The following GALNT13 variants were observed in gnomAD, a reference collection of about 807,000 sequenced individuals.
The protein encoded by GALNT13 is UDP-GalNAc:polypeptide N-acetylgalactosaminyltransferase 13.
In GALNT13, 28 loss-of-function variants were observed where a neutral mutation model predicts 64.2. That is an observed-to-expected ratio of 0.44 (90% CI 0.32 to 0.60). The LOEUF is 0.60. GALNT13 is among the 20% of genes least tolerant of loss of function. The pLI, the probability that GALNT13 is intolerant of heterozygous loss-of-function variation, is 0.05. For synonymous variants in GALNT13, 214 were observed against 224.6 expected (o/e 0.95, Z 0.42); for missense variants, 577 against 669.8 (o/e 0.86, Z 1.53).
At chr2:153,838,141 C>T in the GALNT13 span, among the ~76,000 whole-genome samples, 38 of 151,846 alleles carry the variant, frequency 2.5e-4, no homozygotes, top group East Asian at 4.1e-3. Context: ...TTATATATTT[C>T]GAATGTTAAA....
chr2:153,726,269 T>C, the GALNT13 span, among the ~76,000 whole-genome samples: 1 of 152,182 alleles, frequency 6.6e-6, no homozygotes, highest in Non-Finnish European at 1.5e-5. Context: ...TTAATTTGAA[T>C]GATTGACTGA....
At chr2:153,518,155 G>C in the GALNT13 span, among the ~76,000 whole-genome samples, 6 of 152,068 alleles carry the variant, frequency 3.9e-5, no homozygotes, top group African/African-American at 1.4e-4. Flanking sequence ...TCCTTTGGTA[G>C]GTTCTTATTT....
chr2:153,647,385 A>G, the GALNT13 span, among the ~76,000 whole-genome samples: 4 of 152,144 alleles, frequency 2.6e-5, no homozygotes, highest in African/African-American at 9.6e-5. Context: ...AGATGAGTAG[A>G]TTGCAAAAAT....
chr2:153,364,925 T>A, the GALNT13 span, among the ~76,000 whole-genome samples: 1 of 151,976 alleles, frequency 6.6e-6, no homozygotes, highest in Non-Finnish European at 1.5e-5. Context: ...AAAGAGCCCA[T>A]GGAGCCAAGA....
the GALNT13 span, among the ~76,000 whole-genome samples, chr2:153,278,895 T>G: frequency 6.6e-6 from 1 of 152,132 alleles, no homozygotes; most frequent in Non-Finnish European, 1.5e-5. Context: ...CTGTGAAAAA[T>G]GACATTTGTA....
At chr2:153,892,297 A>G (rs1687604584) in intron 1 of GALNT13, among the ~76,000 whole-genome samples, 1 of 152,066 alleles carries the variant, frequency 6.6e-6, no homozygotes, top group Non-Finnish European at 1.5e-5. Flanking sequence ...GAATTTAATG[A>G]TGCTCTATTG....
At chr2:153,736,011 C>T in the GALNT13 span, among the ~76,000 whole-genome samples, 658 of 152,268 alleles carry the variant, frequency 4.3e-3, 4 homozygotes, top group African/African-American at 0.015. Context: ...ACTATGTAAA[C>T]ATTCCATGCC....
chr2:153,808,050 A>T, the GALNT13 span, among the ~76,000 whole-genome samples: 1 of 152,188 alleles, frequency 6.6e-6, no homozygotes, highest in Non-Finnish European at 1.5e-5. Context: ...ACTTAGGAGC[A>T]CATGGAACAA....
the GALNT13 span, among the ~76,000 whole-genome samples, chr2:153,416,680 T>A: frequency 1.3e-5 from 2 of 152,230 alleles, no homozygotes; most frequent in Non-Finnish European, 2.9e-5. Context: ...TGTTTTTCTT[T>A]GTGAATTCTG....
chr2:153,877,654 A>C (rs1365912956), intron 1 of GALNT13, among the ~76,000 whole-genome samples: 1 of 152,164 alleles, frequency 6.6e-6, no homozygotes, highest in Admixed American at 6.5e-5. Flanking sequence ...TTATTATATA[A>C]TTAGTTTCAG....
intron 3 of GALNT13, among the ~76,000 whole-genome samples, chr2:153,975,919 C>T (rs1202123719): frequency 2.0e-5 from 3 of 152,090 alleles, no homozygotes; most frequent in Non-Finnish European, 4.4e-5. Context: ...CCTATAAAAA[C>T]ATCACATTGC....
chr2:153,216,154 AT>A, the GALNT13 span, among the ~76,000 whole-genome samples: 5 of 152,160 alleles, frequency 3.3e-5, no homozygotes, highest in African/African-American at 1.2e-4. Context: ...GTGAATCAAT[AT>A]TTCATTACTT....
intron 8 of GALNT13, among the ~76,000 whole-genome samples, chr2:154,290,444 A>C (rs1442643588): frequency 6.6e-6 from 1 of 152,216 alleles, no homozygotes; most frequent in Non-Finnish European, 1.5e-5. Flanking sequence ...GATTACAGGA[A>C]TTTATCTTAG....
At chr2:153,760,948 C>T in the GALNT13 span, among the ~76,000 whole-genome samples, 2 of 152,090 alleles carry the variant, frequency 1.3e-5, no homozygotes, top group South Asian at 2.1e-4. Flanking sequence ...GTTATATCTT[C>T]CTGATAGATT....
chr2:153,655,812 C>T, the GALNT13 span, among the ~76,000 whole-genome samples: 1 of 151,898 alleles, frequency 6.6e-6, no homozygotes, highest in Admixed American at 6.6e-5. Flanking sequence ...TGTTTATTTC[C>T]TTGTTTGCTA....
chr2:154,020,547 G>GT (rs1446644705), intron 3 of GALNT13, among the ~76,000 whole-genome samples: 2 of 152,044 alleles, frequency 1.3e-5, no homozygotes, highest in Non-Finnish European at 1.5e-5. Context: ...TGATGGGGTT[G>GT]TTTGTTTTTT....
the GALNT13 span, among the ~76,000 whole-genome samples, chr2:153,448,131 A>G: frequency 6.6e-6 from 1 of 152,192 alleles, no homozygotes; most frequent in Non-Finnish European, 1.5e-5. Context: ...TGGATTGCAT[A>G]TGATGTCTCA....
chr2:153,997,178 T>G (rs1695577473), intron 3 of GALNT13, among the ~76,000 whole-genome samples: 1 of 152,262 alleles, frequency 6.6e-6, no homozygotes, highest in Non-Finnish European at 1.5e-5. Flanking sequence ...CCATACAACT[T>G]TAGGATTGCT....
chr2:153,562,626 GC>G, the GALNT13 span, among the ~76,000 whole-genome samples: 1 of 151,774 alleles, frequency 6.6e-6, no homozygotes, highest in African/African-American at 2.4e-5. Flanking sequence ...TTCTTGGTGG[GC>G]TTCCTCTCTA....
Sources: gnomAD v4.1 joint callset for allele counts (sites outside exome capture counted in the v4.1 genomes callset) on GRCh38, gnomAD v4.1.1 for gene constraint, MANE v1.5 for transcripts, NCBI Gene and HGNC (gene_info 2026-07-23, HGNC 2026-07-21) for gene names.